The following ABCA13 variants were observed in gnomAD, a reference collection of about 807,000 sequenced individuals.
ABCA13 encodes the protein ATP binding cassette subfamily A member 13.
ABCA13 carries 476 observed loss-of-function variants against 478.7 expected under a neutral mutation model. The observed-to-expected ratio is 0.99, with a 90% confidence interval of 0.92 to 1.07. The LOEUF (loss-of-function observed/expected upper bound fraction) is 1.07. ABCA13 is among the 50% of genes least tolerant of loss of function. The probability of loss-of-function intolerance (pLI) is 0.00; values close to 1 mark genes in which losing one functional copy is unlikely to be tolerated. For missense variants in ABCA13, 6,060 were observed against 5,910.6 expected, an observed-to-expected ratio of 1.03 and a Z score of -0.83; for synonymous variants, 2,252 against 2,158.9, an observed-to-expected ratio of 1.04 and a Z score of -1.20.
At chr7:48,334,203 T>G (rs929784807) in intron 27 of ABCA13, among the ~76,000 whole-genome samples, 17 of 152,364 alleles carry the variant, frequency 1.1e-4, no homozygotes, top group South Asian at 2.1e-4. Flanking sequence ...AATAATGTTA[T>G]TCAACCTTTG....
At chr7:48,271,761 C>T (rs1337618104) in intron 16 of ABCA13, 26 bp from the exon 17 acceptor site, 10 of 1,218,944 alleles carry the variant, frequency 8.2e-6, no homozygotes, top group Non-Finnish European at 4.2e-6. Context: ...TTATTTTATA[C>T]TAAAATAATT....
In ABCA13 at chr7:48,323,793, C is replaced by T. The variant is rs559261278; in HGVS notation, c.9999+6497C>T. On this transcript the variant is annotated intron_variant, in intron 27 of 61. Transcript: ENST00000435803. ...TCATCTTGAATTGCCATAATCCCCACGTGTCAAGGGCAGGGCCAGGTGGAG... is the reference window on the plus strand; with the variant it reads ...TCATCTTGAATTGCCATAATCCCCATGTGTCAAGGGCAGGGCCAGGTGGAG... Among the ~76,000 whole-genome samples the T allele has an allele frequency of 2.2e-4, 33 of 152,276 alleles. No individual in the cohort carries two copies. The South Asian group carries it at 6.4e-3, about 30-fold the overall frequency.
At chr7:48,254,251 T>C (rs533061284) in intron 15 of ABCA13, among the ~76,000 whole-genome samples, 5 of 152,084 alleles carry the variant, frequency 3.3e-5, no homozygotes, top group African/African-American at 4.8e-5. Flanking sequence ...CCAATTCCTA[T>C]TGTTTTTTTA....
At chr7:48,400,993 G>A (rs1817526650) in intron 38 of ABCA13, among the ~76,000 whole-genome samples, 2 of 152,336 alleles carry the variant, frequency 1.3e-5, no homozygotes, top group Middle Eastern at 3.4e-3. Context: ...ACACTTAACA[G>A]GTACATATGA....
rs1363739196 is a variant in ABCA13, at chr7:48,421,810, A to G, written c.12460-5956A>G. Among the ~76,000 whole-genome samples, 5 of 152,122 alleles carry G rather than the reference A, an allele frequency of 3.3e-5. No homozygotes were observed. The East Asian group carries it at 7.7e-4, about 23-fold the overall frequency. On this transcript the variant is annotated intron_variant, in intron 41 of 61. Transcript: ENST00000435803. The stretch of plus-strand genomic sequence containing the variant: ...GTTCAACTCCACATCTCTAATTCCA[A>G]TCCAATTACACAGCATTCATTTAGT...
chr7:48,193,096 GA>G (rs1004821588), intron 2 of ABCA13, 44 bp downstream of exon 2: 22 of 1,359,976 alleles, frequency 1.6e-5, no homozygotes, highest in Admixed American at 9.3e-5. Flanking sequence ...AACCTTTGGA[GA>G]AAAAAAACTC....
In ABCA13 at chr7:48,418,975, T is replaced by C. The variant is rs149677257; in HGVS notation, c.12459+6392T>C. On this transcript the variant is annotated intron_variant, in intron 41 of 61. Coordinates refer to ENST00000435803, the MANE Select transcript of ABCA13 (RefSeq NM_152701.5). ...AGGCTGTACAGGAAACATAGCAGCATCTGCTTCTGGGGATGGAAGGTGGAA... is the reference window on the plus strand; with the variant it reads ...AGGCTGTACAGGAAACATAGCAGCACCTGCTTCTGGGGATGGAAGGTGGAA... Among the ~76,000 whole-genome samples the C allele has an allele frequency of 3.3e-3, 498 of 152,322 alleles. 5 individuals are homozygous for C. Among genetic ancestry groups the C allele is most frequent in the African/African-American group, 0.011 (455 of 41,572 alleles).
At chr7:48,359,487 G>A (rs1179880539) in intron 31 of ABCA13, among the ~76,000 whole-genome samples, 1 of 151,904 alleles carries the variant, frequency 6.6e-6, no homozygotes, top group African/African-American at 2.4e-5. Flanking sequence ...TCCATGAAAA[G>A]GAAAGGGAGG....
Position 48,278,098 on chromosome 7 carries a change from G to T in ABCA13, c.6904G>T (p.Val2302Phe), listed in dbSNP as rs1209525334. 3 of 1,247,900 alleles carry T rather than the reference G, an allele frequency of 2.4e-6. No individual in the cohort carries two copies. The highest frequency in any genetic ancestry group is 3.2e-6 in the Non-Finnish European group (3 of 942,686). 77.3% of individuals were successfully genotyped at this position (1,247,900 alleles called of 1,614,324 possible). A position where few individuals can be genotyped will look rare whatever the true frequency, so the allele number is the denominator to read the frequency against. Residue 2302 changes from valine to phenylalanine, a missense_variant, in exon 18 of 62, where the codon GTC (valine) becomes TTC (phenylalanine). By Grantham distance (50) the Val-to-Phe change is conservative. This residue lies in a region of ABCA13 where 4,423 missense variants were observed against 4,309.1 expected (regional missense o/e 1.03). Transcript: ENST00000435803. ...HKDVIAEMSF[V>F]PKDKILEILK... ...TATATATATATATATTTACAGTTTT[G>T]TCCCAAAAGATAAAATTCTAGAAAT...
At chr7:48,352,733 G>A (rs1423813723) in intron 31 of ABCA13, among the ~76,000 whole-genome samples, 2 of 152,006 alleles carry the variant, frequency 1.3e-5, no homozygotes, top group Non-Finnish European at 2.9e-5. Flanking sequence ...ATCATCTATA[G>A]TTTTAAATAC....
intron 32 of ABCA13, 132 bp from the exon 33 acceptor site, chr7:48,372,036 C>T: frequency 3.4e-6 from 3 of 870,778 alleles, no homozygotes; most frequent in East Asian, 2.7e-5. Flanking sequence ...TCCCAGGGCC[C>T]TTCACAGGGC....
intron 41 of ABCA13, among the ~76,000 whole-genome samples, chr7:48,418,307 T>A (rs927371232): frequency 3.3e-5 from 5 of 152,230 alleles, no homozygotes. Context: ...CCACCAGCAA[T>A]GAATGGGAGT....
chr7:48,439,228 T>A (rs1392353456), intron 42 of ABCA13, among the ~76,000 whole-genome samples: 1 of 152,148 alleles, frequency 6.6e-6, no homozygotes, highest in Non-Finnish European at 1.5e-5. Flanking sequence ...TATCTAGAGC[T>A]CAGGGGTCTC....
chr7:48,538,723 C>A (rs952885972), intron 55 of ABCA13, among the ~76,000 whole-genome samples: 14 of 151,586 alleles, frequency 9.2e-5, no homozygotes, highest in Non-Finnish European at 1.9e-4. Context: ...GTACTCCATT[C>A]CAAATACAAC....
intron 55 of ABCA13, among the ~76,000 whole-genome samples, chr7:48,534,437 G>A (rs909263284): frequency 2.6e-5 from 4 of 152,088 alleles, no homozygotes; most frequent in African/African-American, 7.2e-5. Context: ...TAGATAACCT[G>A]ATAACTATGT....
intron 1 of ABCA13, among the ~76,000 whole-genome samples, chr7:48,189,291 C>A (rs1457729201): frequency 6.6e-6 from 1 of 152,032 alleles, no homozygotes; most frequent in Non-Finnish European, 1.5e-5. Context: ...AGAAGAAAAA[C>A]GTGATTAAAA....
chr7:48,343,531 A>G (rs960376376), intron 29 of ABCA13, among the ~76,000 whole-genome samples: 3 of 152,030 alleles, frequency 2.0e-5, no homozygotes, highest in African/African-American at 4.8e-5. Flanking sequence ...TTTCTCTTGC[A>G]TCTCTGACCT....
At chr7:48,360,683 T>C (rs1810684797) in intron 31 of ABCA13, among the ~76,000 whole-genome samples, 1 of 152,042 alleles carries the variant, frequency 6.6e-6, no homozygotes, top group Non-Finnish European at 1.5e-5. Flanking sequence ...TCTTTGTCGT[T>C]GTGATTCATG....
intron 42 of ABCA13, among the ~76,000 whole-genome samples, chr7:48,451,181 A>G (rs941809898): frequency 6.6e-6 from 1 of 151,850 alleles, no homozygotes; most frequent in Non-Finnish European, 1.5e-5. Context: ...TATTTTTAGT[A>G]GACACAGGGT....
Sources: gnomAD v4.1 joint callset for allele counts (sites outside exome capture counted in the v4.1 genomes callset) on GRCh38, gnomAD v4.1.1 for gene constraint, gnomAD v4.1.1 regional missense constraint, MANE v1.5 for transcripts, NCBI Gene and HGNC (gene_info 2026-07-23, HGNC 2026-07-21) for gene names.